Variants in SWT1 observed in about 807,000 individuals in gnomAD.
SWT1 encodes transcriptional protein SWT1.
A neutral mutation model predicts 107.3 loss-of-function variants in SWT1; 33 were observed. The observed-to-expected ratio is 0.31, with a 90% confidence interval of 0.23 to 0.41. The LOEUF is 0.41. Ranked by LOEUF, SWT1 falls within the 10% of genes least tolerant of loss-of-function variation. The pLI is 1.00. For synonymous variants in SWT1, 345 were observed against 348.3 expected (o/e 0.99, Z 0.11); for missense variants, 898 against 1,028.9 (o/e 0.87, Z 1.74).
intron 16 of SWT1, among the ~76,000 whole-genome samples, chr1:185,236,868 G>GA (rs535534337): frequency 0.025 from 3,741 of 151,976 alleles, 165 homozygotes; most frequent in African/African-American, 0.084. Context: ...AGATTTACAA[G>GA]AAAAAAACAA....
intron 16 of SWT1, among the ~76,000 whole-genome samples, chr1:185,257,315 C>G (rs578144657): frequency 1.1e-3 from 167 of 152,136 alleles, no homozygotes; most frequent in African/African-American, 3.8e-3. Context: ...CCACCCAGTT[C>G]GAGCTTCCTG....
chr1:185,276,472 G>T, intron 17 of SWT1, 132 bp from the exon 18 acceptor site: 1 of 480,018 alleles, frequency 2.1e-6, no homozygotes, highest in Non-Finnish European at 3.8e-6. Flanking sequence ...ACTTCTTATT[G>T]TTGCTGTTTA....
intron 13 of SWT1, among the ~76,000 whole-genome samples, chr1:185,208,929 G>C (rs1297151033): frequency 6.6e-6 from 1 of 152,006 alleles, no homozygotes; most frequent in African/African-American, 2.4e-5. Flanking sequence ...TGGTGCCTGA[G>C]GCTCAAAGTC....
Position 185,193,462 on chromosome 1 carries a change from C to A in SWT1, c.1523+2820C>A, listed in dbSNP as rs566178035. ...CTATAACCTTACTGGCCTACTTTTT[C>A]TTTTCTTTTTTTTTTTTTTCCTGAG... On this transcript the variant is annotated intron_variant, in intron 10 of 18. Coordinates refer to ENST00000367500, the MANE Select transcript of SWT1 (RefSeq NM_017673.7). Among the ~76,000 whole-genome samples, 297 of 145,610 alleles carry A rather than the reference C, an allele frequency of 2.0e-3. 4 individuals carry two copies. The South Asian group carries it at 0.032, about 16-fold the overall frequency.
intron 18 of SWT1, among the ~76,000 whole-genome samples, chr1:185,279,092 G>A (rs569234682): frequency 1.3e-5 from 2 of 152,262 alleles, no homozygotes; most frequent in African/African-American, 4.8e-5. Context: ...TGTTACAGTT[G>A]GGGGAGAAAA....
chr1:185,167,729 GT>G (rs1319027773), intron 3 of SWT1, among the ~76,000 whole-genome samples: 12 of 152,002 alleles, frequency 7.9e-5, no homozygotes, highest in Admixed American at 1.3e-4. Flanking sequence ...CGCTAGGCTG[GT>G]TTATTTTCTT....
chr1:185,184,287 A>G lies in SWT1; in HGVS notation c.1183A>G (p.Asn395Asp). The G allele has an allele frequency of 1.3e-6, 2 of 1,577,246 alleles. No individual in the cohort carries two copies. The highest frequency in any genetic ancestry group is 1.7e-6 in the Non-Finnish European group (2 of 1,157,750). The change falls in exon 8 of 19, where the codon AAT (asparagine) becomes GAT (aspartate). Residue 395 changes from asparagine to aspartate, a missense_variant. Coordinates refer to ENST00000367500, the MANE Select transcript of SWT1 (RefSeq NM_017673.7). ...AAAGCTTCTAATTGTTATTGACACA[A>G]ATATTCTGATGAATCATCTCAAATT... The part of the protein sequence containing the change: ...DRKLLIVIDT[N>D]ILMNHLKFVR...
chr1:185,273,032 CA>C (rs577581953), intron 17 of SWT1, among the ~76,000 whole-genome samples: 429 of 135,282 alleles, frequency 3.2e-3, no homozygotes, highest in Admixed American at 3.9e-3. Context: ...GACCCTGTCT[CA>C]AAAAAAAAAA....
intron 15 of SWT1, among the ~76,000 whole-genome samples, chr1:185,229,699 T>C (rs1026933901): frequency 6.6e-6 from 1 of 152,096 alleles, no homozygotes. Context: ...GAACCAGGTA[T>C]GTTAGTAATG....
chr1:185,171,476 G>C, intron 4 of SWT1: 1 of 292,978 alleles, frequency 3.4e-6, no homozygotes, highest in Non-Finnish European at 6.7e-6. Flanking sequence ...AATACCTTTT[G>C]GGAAGAGGCA....
At chr1:185,269,928 G>A (rs1663727102) in intron 16 of SWT1, among the ~76,000 whole-genome samples, 1 of 152,160 alleles carries the variant, frequency 6.6e-6, no homozygotes, top group Non-Finnish European at 1.5e-5. Context: ...TACTTAGGAT[G>A]TTTTCAATTT....
At chr1:185,191,744 A>G (rs72724115) in intron 10 of SWT1, among the ~76,000 whole-genome samples, 1,601 of 152,234 alleles carry the variant, frequency 0.011, 8 homozygotes, top group Non-Finnish European at 0.017. Context: ...TAAATTCGAG[A>G]AGTAATTCTT....
chr1:185,201,408 G>A (rs1657868363), intron 10 of SWT1, among the ~76,000 whole-genome samples: 2 of 152,176 alleles, frequency 1.3e-5, no homozygotes, highest in African/African-American at 4.8e-5. Context: ...CTCCTGGTCT[G>A]CGGGTTGTGA....
chr1:185,287,521 A>G (rs1031087394), intron 18 of SWT1, among the ~76,000 whole-genome samples: 5 of 152,206 alleles, frequency 3.3e-5, no homozygotes, highest in Admixed American at 2.6e-4. Flanking sequence ...CTCAGGTCAG[A>G]TAGATGGTTT....
At chr1:185,219,779 G>C (rs779733365) in intron 14 of SWT1, among the ~76,000 whole-genome samples, 2 of 151,736 alleles carry the variant, frequency 1.3e-5, no homozygotes, top group Non-Finnish European at 2.9e-5. Context: ...CTTAAATACC[G>C]TACTTTTCAC....
intron 14 of SWT1, among the ~76,000 whole-genome samples, chr1:185,216,427 A>G (rs1166205378): frequency 6.6e-6 from 1 of 152,176 alleles, no homozygotes; most frequent in African/African-American, 2.4e-5. Flanking sequence ...TGGTGAACAG[A>G]TGGAAAGTGC....
chr1:185,202,450 T>C (rs1479506809), intron 10 of SWT1, among the ~76,000 whole-genome samples: 2 of 151,852 alleles, frequency 1.3e-5, no homozygotes, highest in Non-Finnish European at 2.9e-5. Context: ...GAGGATTAAA[T>C]AGATTTATAT....
Position 185,174,422 on chromosome 1 carries a change from C to T in SWT1, c.275C>T (p.Ser92Leu). The T allele has an allele frequency of 6.3e-7, 1 of 1,588,788 alleles. No homozygotes were observed. Among genetic ancestry groups the T allele is most frequent in the Non-Finnish European group, 8.5e-7 (1 of 1,172,202 alleles). Residue 92 changes from serine (S) to leucine (L), a missense_variant, in exon 5 of 19, where the codon TCA becomes TTA. Physicochemically the swap from Ser to Leu is moderately radical, Grantham distance 145. Transcript: ENST00000367500. ...TLRRRPKIGS[S>L]SQRPIKLKEA... is the part of the protein sequence containing the mutation. ...AGAAGGAGACCAAAAATCGGTTCTT[C>T]ATCCCAAAGACCTATTAAACTCAAA...
intron 10 of SWT1, among the ~76,000 whole-genome samples, chr1:185,191,585 G>T (rs1233433027): frequency 1.3e-5 from 2 of 152,050 alleles, no homozygotes; most frequent in Non-Finnish European, 2.9e-5. Context: ...TATCTTCAAA[G>T]ATAATGTGAT....
Sources: gnomAD v4.1 joint callset for allele counts (sites outside exome capture counted in the v4.1 genomes callset) on GRCh38, gnomAD v4.1.1 for gene constraint, MANE v1.5 for transcripts, NCBI Gene and HGNC (gene_info 2026-07-23, HGNC 2026-07-21) for gene names.